Variants in MYH9 observed in about 807,000 individuals in gnomAD.
The protein encoded by MYH9 is myosin-9.
A neutral mutation model predicts 241.9 loss-of-function variants in MYH9; 29 were observed. The ratio of observed to expected loss-of-function variants is 0.12; its 90% confidence interval spans 0.09 to 0.16. The LOEUF is 0.16. Ranked by LOEUF, MYH9 falls within the 10% of genes least tolerant of loss-of-function variation. The pLI, the probability that MYH9 is intolerant of heterozygous loss-of-function variation, is 1.00. For synonymous variants in MYH9, 1,047 were observed against 1,062.6 expected (o/e 0.99, Z 0.29); for missense variants, 1,803 against 2,595.5 (o/e 0.69, Z 6.63).
chr22:36,314,032 G>A (rs983637108), intron 13 of MYH9, 113 bp downstream of exon 13: 6 of 1,373,124 alleles, frequency 4.4e-6, no homozygotes, highest in Non-Finnish European at 6.2e-6. Context: ...GGCACCAAAA[G>A]GAAGGGGAGT....
chr22:36,287,709 T>G (rs2016610866), intron 34 of MYH9, among the ~76,000 whole-genome samples: 1 of 152,232 alleles, frequency 6.6e-6, no homozygotes, highest in South Asian at 2.1e-4. Context: ...GCCACTGCAC[T>G]CCAGCCTGAG....
chr22:36,378,407 G>C (rs1289007712), intron 1 of MYH9, among the ~76,000 whole-genome samples: 1 of 152,142 alleles, frequency 6.6e-6, no homozygotes, highest in Non-Finnish European at 1.5e-5. Flanking sequence ...AAAAGGCGGG[G>C]GGTCTGCTCC....
In MYH9 at chr22:36,329,461, T is replaced by C. The variant is rs1270987846; in HGVS notation, c.491-1973A>G. On this transcript the variant is annotated intron_variant, in intron 3 of 40. Coordinates refer to ENST00000216181, the MANE Select transcript of MYH9 (RefSeq NM_002473.6). This position sits in a 1 kb window ranked among gnomAD's most constrained non-coding sequence, Gnocchi z 4.1. The stretch of plus-strand genomic sequence containing the variant: ...CGATAAGGGTTTGGAACAAACATTT[T>C]TGTCATCCCAGCCCCCTGCCCTCCC... Among the ~76,000 whole-genome samples, 3 of 152,020 alleles carry C rather than the reference T, an allele frequency of 2.0e-5. No homozygotes were observed. Among genetic ancestry groups the C allele is most frequent in the Non-Finnish European group, 4.4e-5 (3 of 67,982 alleles).
At position 36,318,262 on chromosome 22, in the gene MYH9, G is replaced by A. The variant is rs1312887570; in HGVS notation, c.1172C>T (p.Thr391Ile). Residue 391 changes from threonine to isoleucine, a missense_variant, in exon 11 of 41, where the codon ACC becomes ATC. This residue lies in a region of MYH9 where 222 missense variants were observed against 359.9 expected (regional missense o/e 0.62). Coordinates refer to ENST00000216181, the MANE Select transcript of MYH9 (RefSeq NM_002473.6). ...NVTDFTRGIL[T>I]PRIKVGRDYV... ...ATCCCGTCCCACCTTGATGCGCGGG[G>A]TGAGGATTCCTCTGGTGAAATCGGT... 6.2e-7 allele frequency: 1 copy of A among 1,613,846 alleles called. No homozygotes were observed. The highest frequency in any genetic ancestry group is 1.7e-5 in the Admixed American group (1 of 60,020).
chr22:36,324,000 A>C (rs1698605318), intron 5 of MYH9, among the ~76,000 whole-genome samples: 3 of 152,170 alleles, frequency 2.0e-5, no homozygotes, highest in Admixed American at 2.0e-4. Context: ...CTTGGATGAG[A>C]ATGGCTCCCC....
Position 36,309,896 on chromosome 22 carries a change from C to T in MYH9, c.1729-500G>A, listed in dbSNP as rs2017033070. Among the ~76,000 whole-genome samples, 3 of 152,234 alleles carry T rather than the reference C, an allele frequency of 2.0e-5. No individual in the cohort carries two copies. In the South Asian group the frequency reaches 6.2e-4, roughly 32 times the overall value. ...TAAATATATTTTTTTAATTGGGCAG[C>T]CTCCTAAACTAGAGGGTTCAGAGAG... On this transcript the variant is annotated intron_variant, in intron 14 of 40. Transcript: ENST00000216181.
chr22:36,379,883 G>A (rs1382813131), intron 1 of MYH9, among the ~76,000 whole-genome samples: 1 of 152,246 alleles, frequency 6.6e-6, no homozygotes, highest in Admixed American at 6.5e-5. Context: ...ATCATCTCAG[G>A]CTCGAGAAGC....
chr22:36,291,549 A>G (rs925282040), intron 31 of MYH9, among the ~76,000 whole-genome samples: 1 of 152,242 alleles, frequency 6.6e-6, no homozygotes, highest in African/African-American at 2.4e-5. Context: ...GCGGAAGGCC[A>G]AAGGGTCCTC....
chr22:36,289,670 G>A (rs1172427401), intron 31 of MYH9, among the ~76,000 whole-genome samples: 1 of 152,178 alleles, frequency 6.6e-6, no homozygotes, highest in Non-Finnish European at 1.5e-5. Context: ...CGAAGTGAAT[G>A]CCAAGCTGGC....
intron 1 of MYH9, among the ~76,000 whole-genome samples, chr22:36,353,871 T>C (rs914947945): frequency 6.6e-6 from 1 of 152,164 alleles, no homozygotes; most frequent in African/African-American, 2.4e-5. Flanking sequence ...CCTTACTTAC[T>C]GTGACTATTT....
At chr22:36,372,376 C>T (rs2018102150) in intron 1 of MYH9, among the ~76,000 whole-genome samples, 1 of 151,664 alleles carries the variant, frequency 6.6e-6, no homozygotes, top group African/African-American at 2.4e-5. Context: ...GTAGTCACAG[C>T]TACTTGGGAG....
At chr22:36,359,739 A>C (rs368301625) in intron 1 of MYH9, among the ~76,000 whole-genome samples, 1 of 152,202 alleles carries the variant, frequency 6.6e-6, no homozygotes, top group East Asian at 1.9e-4. Flanking sequence ...CTAGGATGCC[A>C]TGAGAAGGTC....
At chr22:36,302,241 A>G (rs879036943) in intron 20 of MYH9, 2 of 286,310 alleles carry the variant, frequency 7.0e-6, no homozygotes, top group Non-Finnish European at 1.4e-5. Context: ...CCATTACCAT[A>G]AATTATGTAT....
Position 36,320,386 on chromosome 22 carries a change from G to T in MYH9, c.869-23C>A. 6.2e-7 allele frequency: 1 copy of T among 1,611,002 alleles called. No individual in the cohort carries two copies. ...CGGCTGTAAGGGGTGGAGGGCAAGGGCGCCTCAGCGAGGTGCTGAAAGTGG... is the reference window on the plus strand; with the variant it reads ...CGGCTGTAAGGGGTGGAGGGCAAGGTCGCCTCAGCGAGGTGCTGAAAGTGG... On this transcript the variant is annotated intron_variant, in intron 8 of 40. Transcript: ENST00000216181. The surrounding 1 kb of genome is among the most constrained non-coding windows in gnomAD (Gnocchi z 4.8).
intron 13 of MYH9, among the ~76,000 whole-genome samples, chr22:36,313,258 T>G (rs2017094909): frequency 6.6e-6 from 1 of 151,444 alleles, no homozygotes; most frequent in African/African-American, 2.4e-5. Flanking sequence ...GGTCAGGAGA[T>G]TGAGACCACG....
At chr22:36,337,997 CTT>C (rs80110900) in intron 3 of MYH9, among the ~76,000 whole-genome samples, 24 of 142,720 alleles carry the variant, frequency 1.7e-4, no homozygotes, top group Non-Finnish European at 1.4e-4. Context: ...ACTTTCTTTT[CTT>C]TTTTTTTTTT....
chr22:36,311,929 A>C, intron 14 of MYH9, 120 bp downstream of exon 14: 1 of 1,183,080 alleles, frequency 8.5e-7, no homozygotes, highest in Non-Finnish European at 1.3e-6. Context: ...ATTGTGCAAG[A>C]ACCGTACTCA....
chr22:36,371,360 T>C (rs903445825), intron 1 of MYH9, among the ~76,000 whole-genome samples: 1 of 152,036 alleles, frequency 6.6e-6, no homozygotes, highest in African/African-American at 2.4e-5. Flanking sequence ...GAAGACCATG[T>C]GAGGACACAG....
chr22:36,289,338 C>A (rs1417758974), intron 31 of MYH9, 41 bp from the exon 32 acceptor site: 1 of 1,564,944 alleles, frequency 6.4e-7, no homozygotes, highest in Non-Finnish European at 8.7e-7. Flanking sequence ...GAGCTACGGC[C>A]CCCAGCAGGG....
Sources: allele counts gnomAD v4.1 joint callset (sites outside exome capture counted in the v4.1 genomes callset), GRCh38; gene constraint gnomAD v4.1.1; regional missense constraint gnomAD v4.1.1; non-coding constraint Gnocchi (gnomAD v3.1); transcripts MANE v1.5; gene names NCBI Gene and HGNC (gene_info 2026-07-23, HGNC 2026-07-21).